Variants in ASTN2 observed in about 807,000 individuals in gnomAD.
ASTN2 encodes astrotactin-2.
A neutral mutation model predicts 139.8 loss-of-function variants in ASTN2; 54 were observed. The observed-to-expected ratio is 0.39, with a 90% CI of 0.31 to 0.48. The LOEUF (loss-of-function observed/expected upper bound fraction) is 0.48, where lower values mean the gene tolerates loss of function less well. ASTN2 is among the 20% of genes least tolerant of loss of function. ASTN2 has a pLI of 0.95. For missense variants in ASTN2, 1,565 were observed against 1,725.1 expected (o/e 0.91, Z 1.64); for synonymous variants, 756 against 719.5 (o/e 1.05, Z -0.81).
At chr9:116,955,434 T>C (rs986818173) in intron 10 of ASTN2, among the ~76,000 whole-genome samples, 1 of 152,238 alleles carries the variant, frequency 6.6e-6, no homozygotes, top group Non-Finnish European at 1.5e-5. Flanking sequence ...AAATATGTTG[T>C]GACTAAAAAT....
intron 1 of ASTN2, among the ~76,000 whole-genome samples, chr9:117,291,749 G>A (rs534334843): frequency 3.3e-5 from 5 of 152,200 alleles, no homozygotes; most frequent in Admixed American, 1.3e-4. Flanking sequence ...ACCCACATCT[G>A]TCTGAGGCCG....
chr9:116,873,808 A>G (rs1359565219), intron 10 of ASTN2, among the ~76,000 whole-genome samples: 1 of 152,108 alleles, frequency 6.6e-6, no homozygotes, highest in African/African-American at 2.4e-5. Context: ...GTTGTGTAAA[A>G]GTGTGTAGCA....
rs116496868 is a variant in ASTN2, at chr9:117,240,609, C to T, written c.631-25867G>A. Among the ~76,000 whole-genome samples the T allele has an allele frequency of 8.8e-3, 1,337 of 152,228 alleles. 28 individuals are homozygous for T. The highest frequency in any genetic ancestry group is 0.031 in the African/African-American group (1,289 of 41,526). ...CGGTGAGAATAATTAAGTGCGGGTA[C>T]TATAAATTCAGAACAGACACTGGAG... On this transcript the variant is annotated intron_variant, in intron 2 of 22. Coordinates refer to ENST00000313400, the MANE Select transcript of ASTN2 (RefSeq NM_001365068.1).
intron 16 of ASTN2, chr9:116,697,634 A>G: frequency 7.2e-7 from 1 of 1,398,594 alleles, no homozygotes; most frequent in Non-Finnish European, 9.8e-7. Flanking sequence ...TCAGAGGAAA[A>G]TGAATAATGG....
chr9:116,684,520 T>G (rs1229930499), intron 16 of ASTN2, among the ~76,000 whole-genome samples: 2 of 152,190 alleles, frequency 1.3e-5, no homozygotes, highest in Non-Finnish European at 2.9e-5. Flanking sequence ...ATTGTACTCC[T>G]CATCCTAGGA....
chr9:117,167,543 TA>T, intron 3 of ASTN2, among the ~76,000 whole-genome samples: 1 of 152,174 alleles, frequency 6.6e-6, no homozygotes. Context: ...CATGAACTCA[TA>T]AAACATGAAA....
rs1010168200 is a variant in ASTN2 at position 116,681,403 on chromosome 9, T to C, written c.2807-29610A>G. Among the ~76,000 whole-genome samples, 45 of 152,342 alleles carry C rather than the reference T, an allele frequency of 3.0e-4. 1 individual carries two copies. Among genetic ancestry groups the C allele is most frequent in the Admixed American group, 6.5e-4 (10 of 15,308 alleles). ...TACAAACAAATGGAAGAACATTCCA[T>C]GCTCATTGGTAGGAAGAATTAATAT... On this transcript the variant is annotated intron_variant, in intron 16 of 22. Coordinates refer to ENST00000313400, the MANE Select transcript of ASTN2 (RefSeq NM_001365068.1).
rs148791425 is a variant in ASTN2, at chr9:116,514,673, G to A, written c.3356-27173C>T. 8.7e-4 allele frequency among the ~76,000 whole-genome samples: 132 copies of A among 152,250 alleles called. 3 individuals are homozygous for A. In the East Asian group the frequency reaches 0.023, roughly 27 times the overall value. ...TTTACCCAGTTTGAGCTTCCCAGCC[G>A]CTTTGTTTACCTAGTGAAGCCTCAG... On this transcript the variant is annotated intron_variant, in intron 19 of 22. Transcript: ENST00000313400.
Position 116,467,989 on chromosome 9 carries a change from GC to G in ASTN2, c.3497+19369del, listed in dbSNP as rs559740873. Among the ~76,000 whole-genome samples, 358 of 152,252 alleles carry G rather than the reference GC, an allele frequency of 2.4e-3. 1 individual carries two copies. The highest frequency in any genetic ancestry group is 3.7e-3 in the Non-Finnish European group (250 of 68,016). ...TTGGCTAGGTCTCTTTCTACCTGGT[GC>G]AGAACCAAATTTCCAGGCTCTGGGA... On this transcript the variant is annotated intron_variant, in intron 20 of 22. Transcript: ENST00000313400.
At chr9:116,727,020 AC>A (rs1225954538) in intron 15 of ASTN2, among the ~76,000 whole-genome samples, 9 of 36,470 alleles carry the variant, frequency 2.5e-4, no homozygotes, top group Non-Finnish European at 8.5e-4. Flanking sequence ...CTCAACACAC[AC>A]ACACACACAC....
At position 117,280,466 on chromosome 9, in the gene ASTN2, C is replaced by A. The variant is rs568328355; in HGVS notation, c.630+10860G>T. 2.6e-5 allele frequency among the ~76,000 whole-genome samples: 4 copies of A among 152,212 alleles called. No homozygotes were observed. In the East Asian group the frequency reaches 7.7e-4, roughly 29 times the overall value. On this transcript the variant is annotated intron_variant, in intron 2 of 22. Coordinates refer to ENST00000313400, the MANE Select transcript of ASTN2 (RefSeq NM_001365068.1). ...TGAGTTATCAAGGTGAACCCTAAAT[C>A]CAGTGACAAGCATCCTAATGAGAGG...
At chr9:117,370,139 G>A (rs1384497969) in intron 1 of ASTN2, among the ~76,000 whole-genome samples, 1 of 152,154 alleles carries the variant, frequency 6.6e-6, no homozygotes, top group Admixed American at 6.5e-5. Flanking sequence ...TGAGGTAGAT[G>A]AGGGCGGGGA....
intron 19 of ASTN2, among the ~76,000 whole-genome samples, chr9:116,516,752 T>C (rs1447317030): frequency 2.0e-5 from 3 of 152,186 alleles, no homozygotes; most frequent in African/African-American, 7.2e-5. Flanking sequence ...TTCCTGGAAA[T>C]AGGCTTGGTG....
chr9:117,060,377 A>G (rs1237979374), intron 5 of ASTN2, among the ~76,000 whole-genome samples: 2 of 74,530 alleles, frequency 2.7e-5, no homozygotes, highest in Admixed American at 3.1e-4. Context: ...AAAGAAAGAA[A>G]GAAAGAAAGA....
chr9:117,280,967 T>G (rs1391965111), intron 2 of ASTN2, among the ~76,000 whole-genome samples: 3 of 152,218 alleles, frequency 2.0e-5, no homozygotes, highest in Non-Finnish European at 4.4e-5. Flanking sequence ...TTTCCCTCTT[T>G]CCTTCTACAT....
At chr9:117,143,106 T>C (rs897426700) in intron 3 of ASTN2, among the ~76,000 whole-genome samples, 5 of 152,224 alleles carry the variant, frequency 3.3e-5, no homozygotes, top group Admixed American at 3.3e-4. Flanking sequence ...GTTCTGGTAT[T>C]GGGTTCTGTG....
chr9:117,255,781 G>A (rs1029059959), intron 2 of ASTN2, among the ~76,000 whole-genome samples: 7 of 152,176 alleles, frequency 4.6e-5, no homozygotes, highest in Non-Finnish European at 7.3e-5. Flanking sequence ...CAGAACACAG[G>A]GAGGGGAGGA....
At chr9:117,225,537 A>ATT (rs1460719604) in intron 2 of ASTN2, among the ~76,000 whole-genome samples, 1 of 24,424 alleles carries the variant, frequency 4.1e-5, no homozygotes, top group Non-Finnish European at 6.9e-5. Flanking sequence ...AGCTGTATGT[A>ATT]TATATATATA....
At chr9:116,985,260 T>C (rs1273604436) in intron 7 of ASTN2, among the ~76,000 whole-genome samples, 2 of 152,222 alleles carry the variant, frequency 1.3e-5, no homozygotes, top group Non-Finnish European at 2.9e-5. Flanking sequence ...GACTCCGCAT[T>C]GTAGCTGCCG....
Sources: gnomAD v4.1 joint callset for allele counts (sites outside exome capture counted in the v4.1 genomes callset) on GRCh38, gnomAD v4.1.1 for gene constraint, MANE v1.5 for transcripts, NCBI Gene and HGNC (gene_info 2026-07-23, HGNC 2026-07-21) for gene names.